Variants in HIVEP2 observed in about 807,000 individuals in gnomAD.
HIVEP2 encodes transcription factor HIVEP2.
A neutral mutation model predicts 180.7 loss-of-function variants in HIVEP2; 14 were observed. The ratio of observed to expected loss-of-function variants is 0.08; its 90% confidence interval spans 0.05 to 0.12. The LOEUF is 0.12. Ranked by LOEUF, HIVEP2 falls within the 10% of genes least tolerant of loss-of-function variation. HIVEP2 has a pLI of 1.00. For missense variants in HIVEP2, 2,579 were observed against 3,008.5 expected (o/e 0.86, Z 3.34); for synonymous variants, 1,184 against 1,136.4 (o/e 1.04, Z -0.84).
intron 3 of HIVEP2, among the ~76,000 whole-genome samples, chr6:142,782,131 GT>G (rs1775875823): frequency 6.6e-6 from 1 of 152,116 alleles, no homozygotes; most frequent in Non-Finnish European, 1.5e-5. Flanking sequence ...TGGTCACTTG[GT>G]CTTTTCTTGA....
At chr6:142,925,415 A>G (rs1353039821) in intron 1 of HIVEP2, among the ~76,000 whole-genome samples, 1 of 152,160 alleles carries the variant, frequency 6.6e-6, no homozygotes, top group African/African-American at 2.4e-5. Context: ...GTATATCTGT[A>G]CCAACATTTT....
At chr6:142,902,584 C>T (rs1184821475) in intron 1 of HIVEP2, among the ~76,000 whole-genome samples, 1 of 152,154 alleles carries the variant, frequency 6.6e-6, no homozygotes, top group East Asian at 1.9e-4. Flanking sequence ...TTTTCTTCTT[C>T]TCTTTTGATG....
chr6:142,887,694 C>T (rs1278263454), intron 1 of HIVEP2, among the ~76,000 whole-genome samples: 1 of 152,104 alleles, frequency 6.6e-6, no homozygotes, highest in Non-Finnish European at 1.5e-5. Context: ...AATGAAACTT[C>T]CTTACCCTAG....
intron 2 of HIVEP2, among the ~76,000 whole-genome samples, chr6:142,804,989 A>G (rs1314203859): frequency 6.6e-6 from 1 of 152,174 alleles, no homozygotes; most frequent in East Asian, 1.9e-4. Context: ...CCCCAAAATA[A>G]ACAAACAAAC....
At chr6:142,761,917 G>A (rs1775249560) in intron 7 of HIVEP2, among the ~76,000 whole-genome samples, 1 of 152,096 alleles carries the variant, frequency 6.6e-6, no homozygotes, top group African/African-American at 2.4e-5. Flanking sequence ...AGCCTCCTGG[G>A]ACTCCACAGA....
chr6:142,751,836 A>G lies in HIVEP2; in HGVS notation c.*1271T>C, dbSNP rs1426416117. The G allele has an allele frequency of 6.5e-6, 1 of 152,674 alleles. No homozygotes were observed. Among genetic ancestry groups the G allele is most frequent in the Non-Finnish European group, 1.5e-5 (1 of 68,058 alleles). The allele number at this position is 152,674 out of a possible 1,614,324, so 9.5% of individuals were successfully genotyped here. A position where few individuals can be genotyped will look rare whatever the true frequency, so the allele number is the denominator to read the frequency against. Reference sequence around the variant, plus strand: ...GAAAAAGGGTAAGGTGACCTCCCCTAACACAGATGTTAACCCTGTTCCCAT... The same window carrying G: ...GAAAAAGGGTAAGGTGACCTCCCCTGACACAGATGTTAACCCTGTTCCCAT... On this transcript the variant is annotated 3_prime_UTR_variant, in exon 10 of 10. Transcript: ENST00000367603.
chr6:142,841,683 T>G (rs958489358), intron 1 of HIVEP2, among the ~76,000 whole-genome samples: 1 of 152,184 alleles, frequency 6.6e-6, no homozygotes, highest in South Asian at 2.1e-4. Flanking sequence ...TGATTAAAAT[T>G]GAGTTGAATT....
At chr6:142,843,658 T>A (rs1465228216) in intron 1 of HIVEP2, among the ~76,000 whole-genome samples, 1 of 152,218 alleles carries the variant, frequency 6.6e-6, no homozygotes, top group Non-Finnish European at 1.5e-5. Context: ...CAGAATTCAC[T>A]TTGAACCAGG....
intron 2 of HIVEP2, among the ~76,000 whole-genome samples, chr6:142,801,420 A>C (rs1364279606): frequency 6.6e-6 from 1 of 151,704 alleles, no homozygotes; most frequent in African/African-American, 2.4e-5. Flanking sequence ...TCTCAAAAAA[A>C]AAAAAAAAAA....
chr6:142,926,533 C>T (rs1036169281), intron 1 of HIVEP2, among the ~76,000 whole-genome samples: 9 of 152,208 alleles, frequency 5.9e-5, no homozygotes, highest in African/African-American at 2.2e-4. Flanking sequence ...ATATTCTATC[C>T]GGGCAATGAC....
At chr6:142,805,342 C>T (rs1238717512) in intron 2 of HIVEP2, among the ~76,000 whole-genome samples, 1 of 126,488 alleles carries the variant, frequency 7.9e-6, no homozygotes, top group Non-Finnish European at 1.7e-5. Flanking sequence ...TCTCAAGGAA[C>T]CCCCCAGCTC....
intron 2 of HIVEP2, among the ~76,000 whole-genome samples, chr6:142,816,923 C>T (rs901378605): frequency 3.3e-5 from 5 of 151,958 alleles, no homozygotes; most frequent in African/African-American, 4.8e-5. Flanking sequence ...CACACAAACA[C>T]GCTATCTCTC....
chr6:142,865,810 T>G (rs1319764004), intron 1 of HIVEP2, among the ~76,000 whole-genome samples: 2 of 152,148 alleles, frequency 1.3e-5, no homozygotes. Flanking sequence ...CTCTACTGCC[T>G]TGGGACGAGT....
chr6:142,772,010 T>A lies in HIVEP2; in HGVS notation c.2729A>T (p.Glu910Val). 6.2e-7 allele frequency: 1 copy of A among 1,614,196 alleles called. No individual in the cohort carries two copies. The highest frequency in any genetic ancestry group is 8.5e-7 in the Non-Finnish European group (1 of 1,180,026). Reference sequence around the variant, plus strand: ...AAATTCTTCCACAGGCTTCTCTGGCTCTTTGCTCTGGGCTTCCTTCTCCTT... The same window carrying A: ...AAATTCTTCCACAGGCTTCTCTGGCACTTTGCTCTGGGCTTCCTTCTCCTT... ...PEKEKEAQSK[E>V]PEKPVEEFQW... The change falls in exon 5 of 10, where the codon GAG becomes GTG. Residue 910 changes from glutamate to valine, a missense_variant. Glu to Val is a moderately radical substitution (Grantham distance 121). This residue lies in a region of HIVEP2 where 51 missense variants were observed against 102.8 expected (regional missense o/e 0.50). Transcript: ENST00000367603. This position sits in a 1 kb window ranked among gnomAD's most constrained non-coding sequence, Gnocchi z 4.9.
At chr6:142,845,072 A>T (rs1775473701) in intron 1 of HIVEP2, among the ~76,000 whole-genome samples, 1 of 152,242 alleles carries the variant, frequency 6.6e-6, no homozygotes. Context: ...TTTTCATGCT[A>T]GGTTGTCAAA....
At chr6:142,788,314 A>C (rs1776055516) in intron 2 of HIVEP2, 1 of 36,728 alleles carries the variant, frequency 2.7e-5, no homozygotes, top group Non-Finnish European at 5.8e-5. Flanking sequence ...TAATAAAAAA[A>C]AATCCCCCCC....
At chr6:142,823,022 A>T (rs1777081042) in intron 2 of HIVEP2, among the ~76,000 whole-genome samples, 1 of 152,206 alleles carries the variant, frequency 6.6e-6, no homozygotes, top group Admixed American at 6.5e-5. Flanking sequence ...GGATTCCAGC[A>T]AGGGAGACTT....
intron 2 of HIVEP2, among the ~76,000 whole-genome samples, chr6:142,793,183 CTT>C (rs1455966278): frequency 1.3e-5 from 2 of 152,038 alleles, no homozygotes; most frequent in African/African-American, 4.8e-5. Flanking sequence ...AAATAAAACT[CTT>C]AAGATGATTA....
At chr6:142,796,353 A>C (rs1276623118) in intron 2 of HIVEP2, among the ~76,000 whole-genome samples, 1 of 152,130 alleles carries the variant, frequency 6.6e-6, no homozygotes, top group Non-Finnish European at 1.5e-5. Flanking sequence ...CCAAAACCTA[A>C]CTACTAATAA....
Sources: allele counts gnomAD v4.1 joint callset (sites outside exome capture counted in the v4.1 genomes callset), GRCh38; gene constraint gnomAD v4.1.1; regional missense constraint gnomAD v4.1.1; non-coding constraint Gnocchi (gnomAD v3.1); transcripts MANE v1.5; gene names NCBI Gene and HGNC (gene_info 2026-07-23, HGNC 2026-07-21).